Variants in ZNF454 observed in about 807,000 individuals in gnomAD.
The protein encoded by ZNF454 is zinc finger protein 454.
ZNF454 carries 30 observed loss-of-function variants against 48.2 expected under a neutral mutation model. The ratio of observed to expected loss-of-function variants is 0.62; its 90% CI spans 0.47 to 0.84. The LOEUF is 0.84. Among genes scored for constraint, ZNF454 ranks in the 40% least tolerant of loss-of-function variants. ZNF454 has a pLI of 0.00. For missense variants in ZNF454, 510 were observed against 623.1 expected, an observed-to-expected ratio of 0.82 and a Z score of 1.93; for synonymous variants, 204 against 211.4, an observed-to-expected ratio of 0.97 and a Z score of 0.30.
chr5:178,950,708 C>T (rs1307094676), intron 4 of ZNF454, among the ~76,000 whole-genome samples: 1 of 151,978 alleles, frequency 6.6e-6, no homozygotes, highest in East Asian at 1.9e-4. Context: ...TATTCTTTAG[C>T]TTTATCTTTT....
the ZNF454 span, chr5:178,985,660 G>T: frequency 7.7e-6 from 3 of 388,666 alleles, no homozygotes; most frequent in South Asian, 1.9e-5. Context: ...CTGAGATAGT[G>T]CCACTGCACT....
At chr5:178,942,434 T>G in intron 1 of ZNF454, 1 of 220,296 alleles carries the variant, frequency 4.5e-6, no homozygotes. Context: ...AGAATTCTCT[T>G]GAGATCGCTC....
chr5:178,968,507 G>A (rs1225718994), downstream of ZNF454, among the ~76,000 whole-genome samples: 1 of 152,186 alleles, frequency 6.6e-6, no homozygotes, highest in African/African-American at 2.4e-5. Context: ...TAGCTGATCA[G>A]CAACTCAGAC....
At chr5:178,963,607 G>A (rs765497947) in intron 4 of ZNF454, among the ~76,000 whole-genome samples, 1 of 151,602 alleles carries the variant, frequency 6.6e-6, no homozygotes, top group Non-Finnish European at 1.5e-5. Context: ...TACATTTTAG[G>A]CCCTCTCCTG....
intron 4 of ZNF454, among the ~76,000 whole-genome samples, chr5:178,949,804 A>T (rs1185802578): frequency 6.6e-6 from 1 of 151,836 alleles, no homozygotes; most frequent in Non-Finnish European, 1.5e-5. Context: ...TTTAGTAGAG[A>T]TGGGGTTTTA....
intron 4 of ZNF454, among the ~76,000 whole-genome samples, chr5:178,952,611 G>A (rs1467848101): frequency 6.6e-6 from 1 of 152,062 alleles, no homozygotes; most frequent in East Asian, 1.9e-4. Flanking sequence ...AGTGCTTTCG[G>A]TGTCCTGTTT....
the ZNF454 span, chr5:178,987,131 C>A: frequency 6.3e-6 from 5 of 797,674 alleles, no homozygotes; most frequent in Admixed American, 8.1e-5. Context: ...GCAGGGAGAT[C>A]CCCCTTCACC....
In ZNF454 at chr5:178,944,967, T is replaced by C. The variant is rs879781038; in HGVS notation, c.34-1392T>C. ...TAATCAGAAGGAACAAGTTTCCTAT[T>C]GTGCAGAATGACTGGTTCCATGGGA... On this transcript the variant is annotated intron_variant, in intron 2 of 4. Transcript: ENST00000519564. This position sits in a 1 kb window ranked among gnomAD's most constrained non-coding sequence, Gnocchi z 4.1. 1.3e-5 allele frequency among the ~76,000 whole-genome samples: 2 copies of C among 151,984 alleles called. No individual in the cohort carries two copies. The highest frequency in any genetic ancestry group is 2.4e-5 in the African/African-American group (1 of 41,386).
chr5:178,975,210 G>A, the ZNF454 span, among the ~76,000 whole-genome samples: 1 of 152,136 alleles, frequency 6.6e-6, no homozygotes, highest in Non-Finnish European at 1.5e-5. Context: ...GAACCCGGGA[G>A]GTGGAGGCTG....
At chr5:178,970,305 T>C (rs1760219425), downstream of ZNF454, among the ~76,000 whole-genome samples, 1 of 152,210 alleles carries the variant, frequency 6.6e-6, no homozygotes, top group East Asian at 1.9e-4. Flanking sequence ...CACCCCCATC[T>C]GTGTCGCAGT....
At chr5:178,964,333 G>A (rs943542290) in intron 4 of ZNF454, among the ~76,000 whole-genome samples, 10 of 152,208 alleles carry the variant, frequency 6.6e-5, no homozygotes, top group Admixed American at 2.0e-4. Flanking sequence ...TGTTAGCCAG[G>A]ATGGTCTCGA....
the ZNF454 span, chr5:178,975,635 T>TA: frequency 7.4e-4 from 274 of 368,736 alleles, 2 homozygotes; most frequent in Middle Eastern, 0.016. Context: ...CCGAGTAAAT[T>TA]AAAGTCCTTG....
At chr5:178,981,581 G>A in the ZNF454 span, 1 of 1,148,694 alleles carries the variant, frequency 8.7e-7, no homozygotes, top group Non-Finnish European at 1.3e-6. This position sits in a 1 kb window ranked among gnomAD's most constrained non-coding sequence, Gnocchi z 5.1. Context: ...CGTGGACCCG[G>A]GCTCTATACA....
At chr5:178,985,372 C>T in the ZNF454 span, 4 of 392,894 alleles carry the variant, frequency 1.0e-5, no homozygotes, top group South Asian at 7.2e-5. Flanking sequence ...GCTGCTGTCA[C>T]AGGAGGGGAG....
At chr5:178,954,929 T>G (rs1270889231) in intron 4 of ZNF454, among the ~76,000 whole-genome samples, 1 of 152,268 alleles carries the variant, frequency 6.6e-6, no homozygotes, top group African/African-American at 2.4e-5. Context: ...TGTATGGATG[T>G]ACCACGGTTT....
the ZNF454 span, among the ~76,000 whole-genome samples, chr5:178,983,914 G>A: frequency 2.6e-5 from 4 of 152,342 alleles, no homozygotes; most frequent in South Asian, 2.1e-4. Context: ...GTACGAGAGC[G>A]CCTGATTGGG....
Position 178,963,245 on chromosome 5 carries a change from C to T in ZNF454, c.251-1410C>T, listed in dbSNP as rs142420107. On this transcript the variant is annotated intron_variant, in intron 4 of 4. Transcript: ENST00000519564. ...ATTCAGATTTTCTAGTTGTTTTCTG[C>T]AGAAATGTTAGTCTGCCACAGTCTA... is the stretch of plus-strand genomic sequence containing the variant. Among the ~76,000 whole-genome samples the T allele has an allele frequency of 3.8e-3, 576 of 151,828 alleles. 5 individuals are homozygous for T. Among genetic ancestry groups the T allele is most frequent in the African/African-American group, 0.013 (535 of 41,538 alleles).
intron 4 of ZNF454, among the ~76,000 whole-genome samples, chr5:178,947,745 G>A (rs980641246): frequency 8.5e-5 from 13 of 152,194 alleles, no homozygotes; most frequent in African/African-American, 2.4e-4. Context: ...GCACTGTAGC[G>A]TCTCCCTGTC....
At position 178,959,699 on chromosome 5, in the gene ZNF454, G is replaced by A. The variant is rs193028876; in HGVS notation, c.251-4956G>A. On this transcript the variant is annotated intron_variant, in intron 4 of 4. Coordinates refer to ENST00000519564, the MANE Select transcript of ZNF454 (RefSeq NM_001178089.3). ...CAGCTCACTGCAAGCTCCACCTCCT[G>A]GGTTCACGCCATTCTGCTGCCTCAT... Among the ~76,000 whole-genome samples, 602 of 151,998 alleles carry A rather than the reference G, an allele frequency of 4.0e-3. 17 individuals carry two copies. The East Asian group carries it at 0.064, about 16-fold the overall frequency.
Sources: gnomAD v4.1 joint callset for allele counts (sites outside exome capture counted in the v4.1 genomes callset) on GRCh38, gnomAD v4.1.1 for gene constraint, Gnocchi (gnomAD v3.1) non-coding constraint, MANE v1.5 for transcripts, NCBI Gene and HGNC (gene_info 2026-07-23, HGNC 2026-07-21) for gene names.